Variants in RAB27B observed in about 807,000 individuals in gnomAD.
RAB27B encodes the protein ras-related protein Rab-27B.
A neutral mutation model predicts 24.6 loss-of-function variants in RAB27B; 15 were observed. The observed-to-expected ratio is 0.61, with a 90% CI of 0.41 to 0.94. The LOEUF (loss-of-function observed/expected upper bound fraction) is 0.94. Among genes scored for constraint, RAB27B ranks in the 40% least tolerant of loss-of-function variants. RAB27B has a pLI of 0.00. For missense variants in RAB27B, 261 were observed against 266.8 expected (o/e 0.98, Z 0.15); for synonymous variants, 105 against 92.5 (o/e 1.14, Z -0.78).
intron 2 of RAB27B, among the ~76,000 whole-genome samples, chr18:54,804,686 A>G (rs1217836853): frequency 6.6e-6 from 1 of 152,202 alleles, no homozygotes; most frequent in Non-Finnish European, 1.5e-5. Context: ...TAAGTGTAAT[A>G]CATGATCCAG....
chr18:54,719,055 A>T (rs1909280236), intron 2 of RAB27B, among the ~76,000 whole-genome samples: 1 of 152,216 alleles, frequency 6.6e-6, no homozygotes, highest in African/African-American at 2.4e-5. Context: ...AACATGTAAG[A>T]TAAAATTCAT....
intron 2 of RAB27B, among the ~76,000 whole-genome samples, chr18:54,806,125 G>A (rs772225543): frequency 5.3e-5 from 8 of 152,162 alleles, no homozygotes; most frequent in Non-Finnish European, 1.0e-4. Flanking sequence ...TTGTGCTAGT[G>A]CTTCCTTTTT....
At chr18:54,755,285 G>A (rs1907966491) in intron 2 of RAB27B, among the ~76,000 whole-genome samples, 1 of 152,154 alleles carries the variant, frequency 6.6e-6, no homozygotes, top group African/African-American at 2.4e-5. Flanking sequence ...AGCTACTTGG[G>A]AGGCTGAGGC....
intron 2 of RAB27B, among the ~76,000 whole-genome samples, chr18:54,780,889 T>C (rs1251466483): frequency 1.3e-5 from 2 of 152,214 alleles, no homozygotes; most frequent in Non-Finnish European, 2.9e-5. Context: ...CTGAGCTTTG[T>C]ACTGGGAGTA....
chr18:54,878,617 C>T (rs1057127907), intron 2 of RAB27B, among the ~76,000 whole-genome samples: 1 of 152,118 alleles, frequency 6.6e-6, no homozygotes, highest in Non-Finnish European at 1.5e-5. Flanking sequence ...GGTTTTCCTG[C>T]CTTCTCTCCT....
chr18:54,800,595 C>T (rs758731854), intron 2 of RAB27B, among the ~76,000 whole-genome samples: 1 of 152,122 alleles, frequency 6.6e-6, no homozygotes, highest in African/African-American at 2.4e-5. Flanking sequence ...TTGAGAGGTA[C>T]CTTTTGTAAT....
At chr18:54,869,272 G>A (rs1912371301) in intron 1 of RAB27B, among the ~76,000 whole-genome samples, 1 of 152,148 alleles carries the variant, frequency 6.6e-6, no homozygotes, top group Admixed American at 6.5e-5. Context: ...ATCATTTGTA[G>A]CAGGGAAATG....
chr18:54,775,447 G>A (rs1368891704), intron 2 of RAB27B, among the ~76,000 whole-genome samples: 2 of 152,190 alleles, frequency 1.3e-5, no homozygotes, highest in Non-Finnish European at 2.9e-5. Context: ...GTCTCCAAAA[G>A]CCTGCTGCCT....
intron 2 of RAB27B, among the ~76,000 whole-genome samples, chr18:54,747,910 C>A (rs1259105488): frequency 6.6e-6 from 1 of 152,032 alleles, no homozygotes; most frequent in Non-Finnish European, 1.5e-5. Context: ...GAGTTCGAGA[C>A]CAGCCTGGAC....
intron 2 of RAB27B, among the ~76,000 whole-genome samples, chr18:54,798,086 ACTTCT>A (rs1046392360): frequency 1.3e-5 from 2 of 151,884 alleles, no homozygotes; most frequent in South Asian, 2.1e-4. Context: ...CTAACAACTG[ACTTCT>A]CTTTCTTTTT....
chr18:54,789,079 T>C (rs1909175256), intron 2 of RAB27B, among the ~76,000 whole-genome samples: 1 of 152,208 alleles, frequency 6.6e-6, no homozygotes, highest in Admixed American at 6.5e-5. Flanking sequence ...AAAGGGAATT[T>C]TAGACACTTG....
chr18:54,843,138 A>G (rs1911183476), intron 1 of RAB27B, among the ~76,000 whole-genome samples: 1 of 152,142 alleles, frequency 6.6e-6, no homozygotes, highest in Non-Finnish European at 1.5e-5. Flanking sequence ...AAACTTCTAT[A>G]AAGTAAATCA....
intron 2 of RAB27B, among the ~76,000 whole-genome samples, chr18:54,785,065 G>T (rs937628712): frequency 6.0e-5 from 9 of 150,906 alleles, no homozygotes; most frequent in Non-Finnish European, 1.3e-4. Context: ...TCACATTCCT[G>T]CCTCAGGGCC....
intron 1 of RAB27B, among the ~76,000 whole-genome samples, chr18:54,850,357 T>TATATATATATATATATACATACACATAC (rs1264669719): frequency 7.7e-6 from 1 of 130,566 alleles, no homozygotes; most frequent in African/African-American, 3.1e-5. Flanking sequence ...TATATATATA[T>TATATATATATATATATACATACACATAC]ATACATACAT....
intron 5 of RAB27B, 135 bp from the exon 6 acceptor site, chr18:54,889,089 A>G (rs1254188150): frequency 2.4e-6 from 2 of 834,920 alleles, no homozygotes; most frequent in African/African-American, 3.5e-5. Flanking sequence ...ATGCTTTCCA[A>G]CTTAGCCAGC....
At chr18:54,833,239 T>TTTTG (rs1228652869) in intron 1 of RAB27B, among the ~76,000 whole-genome samples, 1 of 148,074 alleles carries the variant, frequency 6.8e-6, no homozygotes, top group Non-Finnish European at 1.5e-5. Context: ...TCTTTCTTTT[T>TTTTG]TTTTTTTTTG....
chr18:54,862,812 A>G (rs1382359740), intron 1 of RAB27B, among the ~76,000 whole-genome samples: 1 of 152,184 alleles, frequency 6.6e-6, no homozygotes, highest in Non-Finnish European at 1.5e-5. Context: ...AATGATTTTC[A>G]ATTACTCAGT....
chr18:54,872,424 G>A (rs1598981770), intron 1 of RAB27B, among the ~76,000 whole-genome samples: 1 of 152,020 alleles, frequency 6.6e-6, no homozygotes, highest in South Asian at 2.1e-4. Context: ...TTGGGAGTTC[G>A]AGACCAGCCT....
At chr18:54,868,486 A>T (rs1912331174) in intron 1 of RAB27B, among the ~76,000 whole-genome samples, 1 of 152,188 alleles carries the variant, frequency 6.6e-6, no homozygotes, top group Non-Finnish European at 1.5e-5. Context: ...TCTTTATAGC[A>T]ATGCAAGAAA....
Sources: allele counts gnomAD v4.1 joint callset (sites outside exome capture counted in the v4.1 genomes callset), GRCh38; gene constraint gnomAD v4.1.1; transcripts MANE v1.5; gene names NCBI Gene and HGNC (gene_info 2026-07-23, HGNC 2026-07-21).